CAMTA1: variants seen among roughly 807,000 people sequenced by gnomAD.
CAMTA1 encodes the protein calmodulin-binding transcription activator 1.
CAMTA1 carries 27 observed loss-of-function variants against 170.9 expected under a neutral mutation model. That is an observed-to-expected ratio of 0.16 (90% CI 0.12 to 0.22). The LOEUF is 0.22. Ranked by LOEUF, CAMTA1 falls within the 10% of genes least tolerant of loss-of-function variation. The pLI is 1.00. For synonymous variants in CAMTA1, 833 were observed against 891.5 expected (o/e 0.93, Z 1.17); for missense variants, 1,619 against 2,217.2 (o/e 0.73, Z 5.42).
At position 7,745,886 on chromosome 1, in the gene CAMTA1, G is replaced by C; in HGVS notation, c.4412G>C (p.Ser1471Thr). Residue 1471 changes from serine to threonine, a missense_variant, in exon 18 of 23, where the codon AGC (serine) becomes ACC (threonine). Ser to Thr is a moderately conservative substitution (Grantham distance 58). Transcript: ENST00000303635. The stretch of plus-strand genomic sequence containing the variant: ...CCTCTAACCCCTTCTTCTAATACCA[G>C]CTTGAGCCCTGTTGGCTCTCCCGTC... ...NEPLTPSSNT[S>T]LSPVGSPVSE... is the part of the protein sequence containing the mutation. 1 of 1,614,166 alleles carries C rather than the reference G, an allele frequency of 6.2e-7. No individual in the cohort carries two copies. Among genetic ancestry groups the C allele is most frequent in the Non-Finnish European group, 8.5e-7 (1 of 1,180,020 alleles).
intron 3 of CAMTA1, among the ~76,000 whole-genome samples, chr1:7,045,635 G>T (rs1378022997): frequency 6.6e-6 from 1 of 152,192 alleles, no homozygotes; most frequent in Non-Finnish European, 1.5e-5. Context: ...GGTGACTATC[G>T]GTACTGAATC....
intron 22 of CAMTA1, among the ~76,000 whole-genome samples, chr1:7,756,165 T>C (rs1346769165): frequency 6.6e-6 from 1 of 151,942 alleles, no homozygotes; most frequent in African/African-American, 2.4e-5. Flanking sequence ...TGAGAATGAC[T>C]GTTTCCCTAT....
In CAMTA1 at chr1:7,684,588, G is replaced by A. The variant is rs115392066; in HGVS notation, c.2914+6855G>A. On this transcript the variant is annotated intron_variant, in intron 11 of 22. Coordinates refer to ENST00000303635, the MANE Select transcript of CAMTA1 (RefSeq NM_015215.4). ...GGCAACAGAACCCCAGTCTCTGCCT[G>A]CACTGTCCTCCCTCTGCGTGTGTCT... is the stretch of plus-strand genomic sequence containing the variant. Among the ~76,000 whole-genome samples, 874 of 152,316 alleles carry A rather than the reference G, an allele frequency of 5.7e-3. 6 individuals are homozygous for A. Among genetic ancestry groups the A allele is most frequent in the African/African-American group, 0.02 (835 of 41,560 alleles).
chr1:7,679,901 C>A (rs1438175196), intron 11 of CAMTA1, among the ~76,000 whole-genome samples: 1 of 152,236 alleles, frequency 6.6e-6, no homozygotes, highest in Non-Finnish European at 1.5e-5. Context: ...GTTGTCCTTT[C>A]AAGGAATGAG....
intron 22 of CAMTA1, among the ~76,000 whole-genome samples, chr1:7,756,115 C>T (rs996325873): frequency 2.0e-5 from 3 of 151,468 alleles, no homozygotes; most frequent in African/African-American, 7.3e-5. Flanking sequence ...ACTAGGAGGT[C>T]GTACTAGGGT....
chr1:7,352,330 C>T (rs1200354176), intron 5 of CAMTA1, among the ~76,000 whole-genome samples: 1 of 152,096 alleles, frequency 6.6e-6, no homozygotes, highest in African/African-American at 2.4e-5. Context: ...TGGGAGGTGA[C>T]AAAAATGCAT....
intron 5 of CAMTA1, among the ~76,000 whole-genome samples, chr1:7,329,321 C>G (rs185253465): frequency 3.0e-4 from 46 of 152,160 alleles, no homozygotes; most frequent in Admixed American, 1.8e-3. Context: ...AATATTTTGA[C>G]CAATTAAGAT....
intron 3 of CAMTA1, among the ~76,000 whole-genome samples, chr1:6,889,402 A>G (rs1208065952): frequency 6.6e-6 from 1 of 152,242 alleles, no homozygotes; most frequent in Non-Finnish European, 1.5e-5. Flanking sequence ...GATGTAAAGA[A>G]AAATTCTTGA....
chr1:7,148,876 G>C lies in CAMTA1; in HGVS notation c.302+57505G>C, dbSNP rs150357505. ...CTGTTCACTTGCTTCTCCCAGCTCA[G>C]TTGTGGTCTCTGAGGTAGGTCAGAG... On this transcript the variant is annotated intron_variant, in intron 4 of 22. Transcript: ENST00000303635. Among the ~76,000 whole-genome samples, 486 of 152,384 alleles carry C rather than the reference G, an allele frequency of 3.2e-3. 3 individuals carry two copies. Among genetic ancestry groups the C allele is most frequent in the African/African-American group, 0.011 (469 of 41,598 alleles).
Position 7,768,769 on chromosome 1 carries a change from G to A in CAMTA1, c.*2278G>A, listed in dbSNP as rs2097038825. On this transcript the variant is annotated 3_prime_UTR_variant, in exon 23 of 23. Transcript: ENST00000303635. ...TTTTAAATGTGTGGGTTATGTTGCA[G>A]CTGTTGCAGTCCCCCAGATACCTAT... The A allele has an allele frequency of 1.3e-5, 2 of 152,610 alleles. No homozygotes were observed. The highest frequency in any genetic ancestry group is 4.8e-5 in the African/African-American group (2 of 41,378). The allele number at this position is 152,610 out of a possible 1,614,324, so 9.5% of individuals were successfully genotyped here. A position where few individuals can be genotyped will look rare whatever the true frequency, so the allele number is the denominator to read the frequency against.
chr1:6,805,628 C>T (rs1644424538), intron 1 of CAMTA1, among the ~76,000 whole-genome samples: 1 of 152,144 alleles, frequency 6.6e-6, no homozygotes, highest in South Asian at 2.1e-4. Context: ...ACCTTAGTCT[C>T]CTGAGCAGCT....
At chr1:7,583,731 A>C (rs1184785017) in intron 6 of CAMTA1, among the ~76,000 whole-genome samples, 1 of 152,148 alleles carries the variant, frequency 6.6e-6, no homozygotes, top group East Asian at 1.9e-4. Flanking sequence ...TCTGATCCAC[A>C]AGGTCTGCCC....
At chr1:7,717,932 G>A (rs995456241) in intron 11 of CAMTA1, among the ~76,000 whole-genome samples, 6 of 152,106 alleles carry the variant, frequency 3.9e-5, no homozygotes, top group Admixed American at 3.3e-4. Context: ...AAATCATTTC[G>A]TCAATAAATA....
chr1:7,416,877 C>A (rs1045520140), intron 5 of CAMTA1, among the ~76,000 whole-genome samples: 3 of 152,028 alleles, frequency 2.0e-5, no homozygotes, highest in African/African-American at 7.2e-5. Context: ...GTTTTTTCCC[C>A]ATCTTTGTGG....
At chr1:7,408,193 C>T (rs769221507) in intron 5 of CAMTA1, among the ~76,000 whole-genome samples, 19 of 47,144 alleles carry the variant, frequency 4.0e-4, no homozygotes, top group East Asian at 2.1e-3. Context: ...AGGGGGAAAT[C>T]GGAGACCAGG....
chr1:7,577,968 G>A (rs1442219361), intron 6 of CAMTA1, among the ~76,000 whole-genome samples: 2 of 152,170 alleles, frequency 1.3e-5, no homozygotes, highest in African/African-American at 4.8e-5. Flanking sequence ...ACAAAAACAG[G>A]ATTCTGCCGT....
chr1:6,792,240 G>A (rs1165714113), intron 1 of CAMTA1, among the ~76,000 whole-genome samples: 2 of 151,984 alleles, frequency 1.3e-5, no homozygotes, highest in African/African-American at 2.4e-5. Flanking sequence ...TTACAGGCAT[G>A]AGCCAATGTG....
chr1:7,345,814 C>T (rs1343017789), intron 5 of CAMTA1, among the ~76,000 whole-genome samples: 1 of 152,176 alleles, frequency 6.6e-6, no homozygotes. Flanking sequence ...TAAGCTGCTG[C>T]CACTGACCTA....
At chr1:7,363,590 G>A (rs757692773) in intron 5 of CAMTA1, among the ~76,000 whole-genome samples, 1 of 152,162 alleles carries the variant, frequency 6.6e-6, no homozygotes, top group Non-Finnish European at 1.5e-5. Context: ...CACAGGATGG[G>A]TGACATCGGA....
Sources: gnomAD v4.1 joint callset for allele counts (sites outside exome capture counted in the v4.1 genomes callset) on GRCh38, gnomAD v4.1.1 for gene constraint, MANE v1.5 for transcripts, NCBI Gene and HGNC (gene_info 2026-07-23, HGNC 2026-07-21) for gene names.